The following RAB3IL1 variants were observed in gnomAD, a reference collection of about 807,000 sequenced individuals.
The protein encoded by RAB3IL1 is RAB3A interacting protein like 1.
In RAB3IL1, 37 loss-of-function variants were observed where a neutral mutation model predicts 49.2. That is an observed-to-expected ratio of 0.75 (90% CI 0.58 to 0.99). RAB3IL1 has a LOEUF of 0.99. Among genes scored for constraint, RAB3IL1 ranks in the 50% least tolerant of loss-of-function variants. RAB3IL1 has a pLI of 0.00. For missense variants in RAB3IL1, 484 were observed against 513.0 expected, an observed-to-expected ratio of 0.94 and a Z score of 0.55; for synonymous variants, 193 against 213.9, an observed-to-expected ratio of 0.90 and a Z score of 0.85.
rs1365184664 is a variant in RAB3IL1, at chr11:61,898,819, A to G, written c.1067-459T>C. Reference sequence around the variant, plus strand: ...CCTCCAAGAGGACTTGACCCCCAGGATGGAGAGGAGATAGCTCCTTACTCA... The same window carrying G: ...CCTCCAAGAGGACTTGACCCCCAGGGTGGAGAGGAGATAGCTCCTTACTCA... On this transcript the variant is annotated intron_variant, in intron 9 of 9. Transcript: ENST00000394836. The surrounding 1 kb of genome is among the most constrained non-coding windows in gnomAD (Gnocchi z 5.1). The G allele has an allele frequency of 2.1e-6, 1 of 468,186 alleles. No homozygotes were observed. The highest frequency in any genetic ancestry group is 6.7e-5 in the East Asian group (1 of 14,932). The allele number at this position is 468,186 out of a possible 1,614,324, so 29.0% of individuals were successfully genotyped here.
intron 1 of RAB3IL1, among the ~76,000 whole-genome samples, chr11:61,908,803 A>T (rs1378869720): frequency 6.6e-6 from 1 of 152,142 alleles, no homozygotes; most frequent in Non-Finnish European, 1.5e-5. Flanking sequence ...GGTGGACCAG[A>T]GAGGAAGGAT....
chr11:61,938,325 G>C, the RAB3IL1 span, among the ~76,000 whole-genome samples: 1 of 152,080 alleles, frequency 6.6e-6, no homozygotes, highest in East Asian at 1.9e-4. Context: ...GGATCCCTTC[G>C]GCCCAGGAGT....
chr11:61,909,673 C>A (rs1406630359), intron 1 of RAB3IL1, among the ~76,000 whole-genome samples: 1 of 152,358 alleles, frequency 6.6e-6, no homozygotes, highest in East Asian at 1.9e-4. Context: ...TCCTAATACT[C>A]CTGTTTGGGG....
intron 1 of RAB3IL1, among the ~76,000 whole-genome samples, chr11:61,915,017 G>A (rs968447913): frequency 2.0e-5 from 3 of 152,126 alleles, no homozygotes; most frequent in African/African-American, 7.2e-5. Flanking sequence ...CTAGCAGCTT[G>A]GCCCCTGACT....
upstream of RAB3IL1, among the ~76,000 whole-genome samples, chr11:61,918,152 G>T (rs1342552252): frequency 3.4e-5 from 5 of 146,570 alleles, no homozygotes; most frequent in African/African-American, 5.1e-5. Context: ...CACCCCCACC[G>T]ACACACACAC....
At chr11:61,936,284 T>C in the RAB3IL1 span, among the ~76,000 whole-genome samples, 11,637 of 152,266 alleles carry the variant, frequency 0.076, 524 homozygotes, top group African/African-American at 0.086. Context: ...AATGGAAGAT[T>C]CAATCTTCAC....
chr11:61,922,704 C>G (rs908322166), upstream of RAB3IL1, among the ~76,000 whole-genome samples: 7 of 152,168 alleles, frequency 4.6e-5, no homozygotes, highest in African/African-American at 1.2e-4. Context: ...ACACCCCACC[C>G]TGCCCCGCCC....
chr11:61,899,162 T>G, intron 9 of RAB3IL1, 152 bp downstream of exon 9: 1 of 860,692 alleles, frequency 1.2e-6, no homozygotes, highest in East Asian at 2.7e-5. Flanking sequence ...CCAGGAAGTT[T>G]GTGAACGCTT....
intron 9 of RAB3IL1, 50 bp downstream of exon 9, chr11:61,899,264 A>C (rs754391537): frequency 7.7e-6 from 12 of 1,564,638 alleles, no homozygotes; most frequent in Non-Finnish European, 9.5e-6. Context: ...TTCCCCATCC[A>C]GCCCCACTCC....
chr11:61,900,703 A>T (rs1339038340), intron 8 of RAB3IL1, among the ~76,000 whole-genome samples: 1 of 152,152 alleles, frequency 6.6e-6, no homozygotes, highest in Admixed American at 6.5e-5. Context: ...TGTGGACCCC[A>T]CATGTCTTGG....
the RAB3IL1 span, among the ~76,000 whole-genome samples, chr11:61,941,271 G>C: frequency 2.0e-5 from 3 of 151,100 alleles, no homozygotes; most frequent in Non-Finnish European, 4.4e-5. Context: ...AACTTGAATA[G>C]ACCTCAAACA....
chr11:61,938,021 C>A, the RAB3IL1 span: 89,446 of 151,708 alleles, frequency 0.59, 27,141 homozygotes, highest in Middle Eastern at 0.69. Context: ...TAAAAAAAAA[C>A]CCCACATGAT....
In RAB3IL1 at chr11:61,899,692, T is replaced by C. The variant is rs1479180663; in HGVS notation, c.1000-312A>G. ...AAGCCGCTGACATCCATCACGGAGA[T>C]GGCGGAGCTAATGAACCAGCATGCA... On this transcript the variant is annotated intron_variant, in intron 8 of 9. Coordinates refer to ENST00000394836, the MANE Select transcript of RAB3IL1 (RefSeq NM_013401.4). 6 of 358,222 alleles carry C rather than the reference T, an allele frequency of 1.7e-5. 1 individual carries two copies. Among genetic ancestry groups the C allele is most frequent in the Non-Finnish European group, 3.2e-5 (6 of 188,306 alleles). The allele number at this position is 358,222 out of a possible 1,614,324, so 22.2% of individuals were successfully genotyped here.
chr11:61,899,295 G>A lies in RAB3IL1; in HGVS notation c.1066+19C>T. 6.2e-7 allele frequency: 1 copy of A among 1,600,472 alleles called. No homozygotes were observed. ...ACTCCCGTGTGCGATCCCTGCACCG[G>A]CCACCAGGGGGCGCTCACCGTCCTG... is the stretch of plus-strand genomic sequence containing the variant. On this transcript the variant is annotated intron_variant, in intron 9 of 9. Coordinates refer to ENST00000394836, the MANE Select transcript of RAB3IL1 (RefSeq NM_013401.4).
chr11:61,902,374 A>G, intron 8 of RAB3IL1, 68 bp downstream of exon 8: 1 of 1,337,358 alleles, frequency 7.5e-7, no homozygotes, highest in Non-Finnish European at 1.1e-6. Context: ...TCCCAGGCCC[A>G]GGGCCCAGTG....
upstream of RAB3IL1, among the ~76,000 whole-genome samples, chr11:61,921,302 A>G (rs914843629): frequency 6.6e-6 from 1 of 152,120 alleles, no homozygotes; most frequent in Admixed American, 6.5e-5. Flanking sequence ...ATTCAACCCC[A>G]CTTTCAGACG....
At chr11:61,936,342 A>C in the RAB3IL1 span, among the ~76,000 whole-genome samples, 2 of 152,274 alleles carry the variant, frequency 1.3e-5, no homozygotes, top group Non-Finnish European at 1.5e-5. Flanking sequence ...CAAAGAGATC[A>C]AAACCAAGAT....
chr11:61,941,579 C>G, the RAB3IL1 span, among the ~76,000 whole-genome samples: 3 of 152,060 alleles, frequency 2.0e-5, no homozygotes, highest in Admixed American at 1.3e-4. Flanking sequence ...GGTGAAACCC[C>G]ATCTCTACTA....
In RAB3IL1 at chr11:61,899,441, G is replaced by A. The variant is rs1362613735; in HGVS notation, c.1000-61C>T. 9.8e-6 allele frequency: 15 copies of A among 1,523,292 alleles called. No homozygotes were observed. The Admixed American group carries it at 2.0e-4, about 20-fold the overall frequency. The allele number at this position is 1,523,292 out of a possible 1,614,324, so 94.4% of individuals were successfully genotyped here. A position where few individuals can be genotyped will look rare whatever the true frequency, so the allele number is the denominator to read the frequency against. On this transcript the variant is annotated intron_variant, in intron 8 of 9. Transcript: ENST00000394836. ...CCCCACGCTGGGGGTCCCCTGACAG[G>A]CGGATCTGAGTCCAGAGCAGGAGGC...
Sources: allele counts gnomAD v4.1 joint callset (sites outside exome capture counted in the v4.1 genomes callset), GRCh38; gene constraint gnomAD v4.1.1; non-coding constraint Gnocchi (gnomAD v3.1); transcripts MANE v1.5; gene names NCBI Gene and HGNC (gene_info 2026-07-23, HGNC 2026-07-21).